TES: variants seen among roughly 807,000 people sequenced by gnomAD.
TES encodes testin.
TES carries 41 observed loss-of-function variants against 48.2 expected under a neutral mutation model. The observed-to-expected ratio is 0.85, with a 90% CI of 0.66 to 1.10. The LOEUF is 1.10. TES is among the 50% of genes least tolerant of loss of function. The pLI is 0.00. For synonymous variants in TES, 162 were observed against 174.9 expected (o/e 0.93, Z 0.58); for missense variants, 463 against 515.1 (o/e 0.90, Z 0.98).
rs771202166 is a variant in TES at position 116,250,121 on chromosome 7, ATGGCCAATCCCAGTTAACATTGGCCTCC to A, written c.367-38_367-11del. On this transcript the variant is annotated splice_polypyrimidine_tract_variant and intron_variant, in intron 3 of 6. Transcript: ENST00000358204. ...GTGTTATGAAACATCACACTGCCTA[ATGGCCAATCCCAGTTAACATTGGCCTCC>A]TTGTGGTTCAGGCCAGGCAGTACAT... The A allele has an allele frequency of 2.0e-6, 3 of 1,478,176 alleles. No homozygotes were observed. The Admixed American group carries it at 7.5e-5, about 37-fold the overall frequency. The allele number at this position is 1,478,176 out of a possible 1,614,324, so 91.6% of individuals were successfully genotyped here. A position where few individuals can be genotyped will look rare whatever the true frequency, so the allele number is the denominator to read the frequency against.
chr7:116,218,099 A>C (rs1799514974), intron 1 of TES: 1 of 371,674 alleles, frequency 2.7e-6, no homozygotes, highest in South Asian at 2.0e-5. Context: ...AAGCCAGCCT[A>C]GTGGGGATTG....
chr7:116,251,449 G>T (rs1800006476), intron 4 of TES: 3 of 283,092 alleles, frequency 1.1e-5, no homozygotes, highest in South Asian at 8.3e-5. Flanking sequence ...TTGGGAGGCT[G>T]AGGCGGGTGA....
intron 1 of TES, among the ~76,000 whole-genome samples, chr7:116,224,277 C>T (rs1799593942): frequency 6.6e-6 from 1 of 152,174 alleles, no homozygotes; most frequent in South Asian, 2.1e-4. Flanking sequence ...CAAACTATGA[C>T]ATGATAAATC....
At chr7:116,226,052 A>T (rs1422128110) in intron 1 of TES, among the ~76,000 whole-genome samples, 1 of 152,202 alleles carries the variant, frequency 6.6e-6, no homozygotes, top group African/African-American at 2.4e-5. Context: ...AGTGCTCAAT[A>T]AAAATCAGCT....
chr7:116,216,892 T>C (rs1390392766), intron 1 of TES, among the ~76,000 whole-genome samples: 4 of 152,034 alleles, frequency 2.6e-5, no homozygotes, highest in African/African-American at 4.8e-5. Context: ...TAATGGAACA[T>C]TTATTTTCTT....
chr7:116,229,595 C>A (rs928388769), intron 1 of TES, among the ~76,000 whole-genome samples: 1 of 152,126 alleles, frequency 6.6e-6, no homozygotes, highest in African/African-American at 2.4e-5. Context: ...GTACTTGGGG[C>A]AGTTCTGGCT....
intron 2 of TES, among the ~76,000 whole-genome samples, chr7:116,235,308 T>C (rs989911958): frequency 6.6e-6 from 1 of 152,216 alleles, no homozygotes; most frequent in African/African-American, 2.4e-5. Flanking sequence ...ATCTCATGTC[T>C]ACATTTTCCG....
rs572778799 is a variant in TES at position 116,258,556 on chromosome 7, A to G, written c.*1074A>G. ...ATTGCACTTGCCTGCCATGATTTAG[A>G]TAAGATTTTTTTTGCATGGTTTTTA... On this transcript the variant is annotated 3_prime_UTR_variant, in exon 7 of 7. Transcript: ENST00000358204. 4.4e-5 allele frequency: 6 copies of G among 134,906 alleles called. No individual in the cohort carries two copies. The highest frequency in any genetic ancestry group is 3.7e-4 in the Admixed American group (5 of 13,498). 8.4% of individuals were successfully genotyped at this position (134,906 alleles called of 1,614,324 possible). A position where few individuals can be genotyped will look rare whatever the true frequency, so the allele number is the denominator to read the frequency against.
intron 1 of TES, among the ~76,000 whole-genome samples, chr7:116,231,660 C>A (rs1341651402): frequency 6.6e-6 from 1 of 152,150 alleles, no homozygotes; most frequent in East Asian, 1.9e-4. Context: ...AAAGGAATGT[C>A]TGGGTTATGA....
chr7:116,239,540 C>CA (rs1799816115), intron 2 of TES, among the ~76,000 whole-genome samples: 1 of 152,338 alleles, frequency 6.6e-6, no homozygotes, highest in African/African-American at 2.4e-5. Context: ...AATTTGAACT[C>CA]AGAGTTTTCC....
chr7:116,213,970 A>G (rs1049573835), intron 1 of TES, among the ~76,000 whole-genome samples: 1 of 152,088 alleles, frequency 6.6e-6, no homozygotes, highest in African/African-American at 2.4e-5. Context: ...CTCTCCCATG[A>G]GAAATATTTT....
Position 116,257,341 on chromosome 7 carries a change from G to T in TES, c.1125G>T (p.Val375=). ...CCATCGACCCAGAAGTGCAGCGGGT[G>T]ACCTATAACAATTTCAGCTGGCATG... ...HNAIDPEVQR[V]TYNNFSWHAS... The change falls in exon 7 of 7, where the codon GTG becomes GTT. Residue 375 remains valine, a synonymous_variant. Transcript: ENST00000358204. 1 of 1,613,910 alleles carries T rather than the reference G, an allele frequency of 6.2e-7. No homozygotes were observed. The highest frequency in any genetic ancestry group is 8.5e-7 in the Non-Finnish European group (1 of 1,179,928).
Position 116,249,107 on chromosome 7 carries a change from T to A in TES, c.201T>A (p.Phe67Leu). 6.2e-7 allele frequency: 1 copy of A among 1,614,078 alleles called. No homozygotes were observed. Among genetic ancestry groups the A allele is most frequent in the Non-Finnish European group, 8.5e-7 (1 of 1,179,964 alleles). ...NEEDRKVGKL[F>L]EDTKYTTLIA... is the part of the protein sequence containing the mutation. ...AGGATCGAAAAGTGGGAAAACTTTT[T>A]GAAGACACCAAGTATACCACTCTGA... Residue 67 changes from phenylalanine to leucine, a missense_variant, in exon 3 of 7, where the codon TTT (phenylalanine) becomes TTA (leucine). Coordinates refer to ENST00000358204, the MANE Select transcript of TES (RefSeq NM_015641.4).
intron 2 of TES, among the ~76,000 whole-genome samples, chr7:116,235,204 A>C (rs761566099): frequency 9.2e-5 from 14 of 151,868 alleles, no homozygotes; most frequent in Non-Finnish European, 1.6e-4. Flanking sequence ...GCCCACCTCA[A>C]CCTCCCAAAG....
intron 1 of TES, among the ~76,000 whole-genome samples, chr7:116,211,732 T>A (rs1459766607): frequency 1.3e-5 from 2 of 152,244 alleles, no homozygotes. Context: ...TACTCATGGT[T>A]CCTAATATTT....
chr7:116,223,973 C>T (rs1040851042), intron 1 of TES, among the ~76,000 whole-genome samples: 1 of 152,228 alleles, frequency 6.6e-6, no homozygotes. Context: ...TGAATGCAGG[C>T]TAGCCTGATC....
intron 1 of TES, among the ~76,000 whole-genome samples, chr7:116,232,026 G>A (rs888689411): frequency 6.6e-6 from 1 of 152,194 alleles, no homozygotes; most frequent in Non-Finnish European, 1.5e-5. Context: ...TAAGTCAGTA[G>A]CGAGCTACTC....
chr7:116,216,087 A>T (rs1175515363), intron 1 of TES, among the ~76,000 whole-genome samples: 1 of 152,146 alleles, frequency 6.6e-6, no homozygotes, highest in Non-Finnish European at 1.5e-5. Context: ...ATAGACCATC[A>T]GTGTGCAACA....
intron 1 of TES, among the ~76,000 whole-genome samples, chr7:116,232,744 T>C (rs1799717490): frequency 1.3e-5 from 2 of 152,218 alleles, no homozygotes; most frequent in South Asian, 4.1e-4. Flanking sequence ...AAAAGCTTAG[T>C]GTTGACACTA....
Sources: allele counts gnomAD v4.1 joint callset (sites outside exome capture counted in the v4.1 genomes callset), GRCh38; gene constraint gnomAD v4.1.1; transcripts MANE v1.5; gene names NCBI Gene and HGNC (gene_info 2026-07-23, HGNC 2026-07-21).